Variants in DGKB observed in about 807,000 individuals in gnomAD.
DGKB encodes the protein 90 kDa diacylglycerol kinase.
A neutral mutation model predicts 114.3 loss-of-function variants in DGKB; 67 were observed. The ratio of observed to expected loss-of-function variants is 0.59; its 90% CI spans 0.48 to 0.72. DGKB has a LOEUF of 0.72. Ranked by LOEUF, DGKB falls within the 30% of genes least tolerant of loss-of-function variation. The probability of loss-of-function intolerance (pLI) is 0.00; values close to 1 mark genes in which losing one functional copy is unlikely to be tolerated. For synonymous variants in DGKB, 398 were observed against 323.1 expected, an observed-to-expected ratio of 1.23 and a Z score of -2.49; for missense variants, 907 against 975.2, an observed-to-expected ratio of 0.93 and a Z score of 0.93.
chr7:14,615,068 C>T (rs189687267), intron 15 of DGKB, among the ~76,000 whole-genome samples: 2 of 152,140 alleles, frequency 1.3e-5, no homozygotes, highest in Admixed American at 6.6e-5. Flanking sequence ...ATTTCTCATC[C>T]TATTACAAAT....
intron 16 of DGKB, among the ~76,000 whole-genome samples, chr7:14,612,333 C>T (rs1405247767): frequency 6.6e-6 from 1 of 151,790 alleles, no homozygotes; most frequent in Non-Finnish European, 1.5e-5. Context: ...CCATGCCTCG[C>T]TAATTTTTTC....
At chr7:14,191,893 G>T in intron 23 of DGKB, 1 of 551,222 alleles carries the variant, frequency 1.8e-6, no homozygotes, top group Non-Finnish European at 3.4e-6. Flanking sequence ...CTGAGCTGAA[G>T]GAAAAGATTG....
At chr7:14,606,769 C>G (rs919449140) in intron 17 of DGKB, among the ~76,000 whole-genome samples, 2 of 151,910 alleles carry the variant, frequency 1.3e-5, no homozygotes, top group Non-Finnish European at 2.9e-5. Context: ...ATATCAGTAA[C>G]TTCAAAAGTA....
At chr7:14,242,945 T>C (rs577399585) in intron 23 of DGKB, among the ~76,000 whole-genome samples, 32 of 151,966 alleles carry the variant, frequency 2.1e-4, no homozygotes, top group African/African-American at 7.5e-4. Flanking sequence ...GGACTTTATA[T>C]AAATAGGAAG....
intron 1 of DGKB, among the ~76,000 whole-genome samples, chr7:14,943,035 T>C (rs1785659458): frequency 6.6e-6 from 1 of 151,994 alleles, no homozygotes; most frequent in South Asian, 2.1e-4. Context: ...ATGACCATGT[T>C]GTAATTGCTC....
chr7:14,168,156 T>G (rs1784877274), intron 25 of DGKB, among the ~76,000 whole-genome samples: 1 of 151,584 alleles, frequency 6.6e-6, no homozygotes, highest in African/African-American at 2.4e-5. Context: ...AACTGAAAAA[T>G]ACAATGAACA....
chr7:14,597,936 A>G (rs1802876445), intron 17 of DGKB, among the ~76,000 whole-genome samples: 2 of 152,158 alleles, frequency 1.3e-5, no homozygotes, highest in Non-Finnish European at 1.5e-5. Context: ...GTGAGCAATC[A>G]ATTTAAAGCA....
chr7:14,750,157 A>C, intron 4 of DGKB: 3 of 518,524 alleles, frequency 5.8e-6, no homozygotes, highest in Non-Finnish European at 1.2e-5. Context: ...CAAGCTTCTA[A>C]TTGACACTGA....
intron 1 of DGKB, among the ~76,000 whole-genome samples, chr7:14,964,640 G>T (rs1418036928): frequency 6.6e-6 from 1 of 152,180 alleles, no homozygotes; most frequent in East Asian, 1.9e-4. Context: ...ATAATTGGAA[G>T]TTTGTAAACA....
chr7:14,607,840 T>C (rs548335323), intron 16 of DGKB, among the ~76,000 whole-genome samples: 2 of 128,454 alleles, frequency 1.6e-5, no homozygotes, highest in East Asian at 3.8e-4. Context: ...CAAATAAATG[T>C]ATTTTTTTAA....
In DGKB at chr7:14,565,109, G is replaced by A. The variant is rs62443526; in HGVS notation, c.1770+9103C>T. 5.7e-3 allele frequency among the ~76,000 whole-genome samples: 860 copies of A among 152,206 alleles called. 7 individuals are homozygous for A. Among genetic ancestry groups the A allele is most frequent in the Middle Eastern group, 0.02 (6 of 294 alleles). On this transcript the variant is annotated intron_variant, in intron 20 of 25. Transcript: ENST00000402815. ...AGTTATGTGATATTCTTTGGCTAAT[G>A]ACACATTAGCAAGCTGGATGCAAAC...
intron 1 of DGKB, among the ~76,000 whole-genome samples, chr7:14,887,504 G>T (rs973798613): frequency 1.3e-5 from 2 of 151,612 alleles, no homozygotes; most frequent in Non-Finnish European, 2.9e-5. Flanking sequence ...CTGGTTACAG[G>T]TCTACAAACA....
In DGKB at chr7:14,467,797, A is replaced by G. The variant is rs563362501; in HGVS notation, c.1835+10364T>C. 3.3e-5 allele frequency among the ~76,000 whole-genome samples: 5 copies of G among 152,274 alleles called. No homozygotes were observed. The East Asian group carries it at 9.7e-4, about 29-fold the overall frequency. ...AGAAATGCATGAGTAACTAATGCTT[A>G]TGTGGAGGGAGAAGCAACGCAGAGG... On this transcript the variant is annotated intron_variant, in intron 21 of 25. Coordinates refer to ENST00000402815, the MANE Select transcript of DGKB (RefSeq NM_001350709.2).
chr7:14,152,252 G>A lies in DGKB; in HGVS notation c.2305-3014C>T, dbSNP rs10262551. 1.7e-3 allele frequency among the ~76,000 whole-genome samples: 253 copies of A among 152,114 alleles called. 1 individual carries two copies. The highest frequency in any genetic ancestry group is 5.2e-3 in the African/African-American group (214 of 41,528). On this transcript the variant is annotated intron_variant, in intron 25 of 25. Coordinates refer to ENST00000402815, the MANE Select transcript of DGKB (RefSeq NM_001350709.2). ...CTTTGAGTGCCTCCTTCTATTAAGC[G>A]TCAGGTAATTACTTCTCAGTTATTC...
At chr7:14,626,215 G>T (rs1228784480) in intron 14 of DGKB, among the ~76,000 whole-genome samples, 1 of 152,080 alleles carries the variant, frequency 6.6e-6, no homozygotes, top group Non-Finnish European at 1.5e-5. Context: ...GTTATCGATC[G>T]CTGGCAAACT....
chr7:14,204,517 C>T (rs898295576), intron 23 of DGKB, among the ~76,000 whole-genome samples: 1 of 152,014 alleles, frequency 6.6e-6, no homozygotes, highest in African/African-American at 2.4e-5. Context: ...TCTCTACTTA[C>T]ATTTTAAATT....
intron 21 of DGKB, among the ~76,000 whole-genome samples, chr7:14,385,274 A>C (rs1820136756): frequency 6.6e-6 from 1 of 152,156 alleles, no homozygotes; most frequent in East Asian, 1.9e-4. Flanking sequence ...AACACTCATC[A>C]TATCATCATC....
At chr7:14,330,994 TA>T (rs1253854742) in intron 23 of DGKB, among the ~76,000 whole-genome samples, 2 of 151,822 alleles carry the variant, frequency 1.3e-5, no homozygotes, top group South Asian at 2.1e-4. Context: ...AATTATAACT[TA>T]AAAAAAATCT....
At position 14,901,926 on chromosome 7, in the gene DGKB, A is replaced by T. The variant is rs372588227; in HGVS notation, c.-188+666T>A. ...TTCTAAGTATAGAGCCATCTATGTA[A>T]AAATCGCCACTTTAAAATCACAAGA... On this transcript the variant is annotated intron_variant, in intron 1 of 25. Coordinates refer to ENST00000402815, the MANE Select transcript of DGKB (RefSeq NM_001350709.2). Among the ~76,000 whole-genome samples, 34 of 152,232 alleles carry T rather than the reference A, an allele frequency of 2.2e-4. No individual in the cohort carries two copies. The South Asian group carries it at 6.6e-3, about 30-fold the overall frequency.
Sources: gnomAD v4.1 joint callset for allele counts (sites outside exome capture counted in the v4.1 genomes callset) on GRCh38, gnomAD v4.1.1 for gene constraint, MANE v1.5 for transcripts, NCBI Gene and HGNC (gene_info 2026-07-23, HGNC 2026-07-21) for gene names.